Variants in LAMB4 observed in about 807,000 individuals in gnomAD.
LAMB4 encodes laminin subunit beta 4.
LAMB4 carries 196 observed loss-of-function variants against 199.2 expected under a neutral mutation model. The ratio of observed to expected loss-of-function variants is 0.98; its 90% CI spans 0.88 to 1.11. The LOEUF is 1.11. Among genes scored for constraint, LAMB4 ranks in the 50% least tolerant of loss-of-function variants. The pLI, the probability that LAMB4 is intolerant of heterozygous loss-of-function variation, is 0.00. For synonymous variants in LAMB4, 744 were observed against 770.6 expected (o/e 0.97, Z 0.57); for missense variants, 2,080 against 2,171.2 (o/e 0.96, Z 0.83).
chr7:108,048,812 C>T (rs1183985342), intron 27 of LAMB4, among the ~76,000 whole-genome samples: 2 of 152,178 alleles, frequency 1.3e-5, no homozygotes, highest in East Asian at 1.9e-4. Flanking sequence ...CCTGCCTCAA[C>T]CTCCTGAGCA....
Position 108,073,963 on chromosome 7 carries a change from G to A in LAMB4, c.2124+2981C>T, listed in dbSNP as rs142139692. On this transcript the variant is annotated intron_variant, in intron 17 of 33. Transcript: ENST00000388781. ...ACTCACAGTGGGGCGGGTGGTGGTGGTGGTGGTGGTGAACCTGTAGCTGAG... is the reference window on the plus strand; with the variant it reads ...ACTCACAGTGGGGCGGGTGGTGGTGATGGTGGTGGTGAACCTGTAGCTGAG... Among the ~76,000 whole-genome samples the A allele has an allele frequency of 1.2e-4, 18 of 152,282 alleles. No individual in the cohort carries two copies. The East Asian group carries it at 2.5e-3, about 21-fold the overall frequency.
chr7:108,118,672 A>G (rs187703763), intron 2 of LAMB4, among the ~76,000 whole-genome samples: 1 of 152,260 alleles, frequency 6.6e-6, no homozygotes, highest in African/African-American at 2.4e-5. Context: ...AAAATGTGAA[A>G]CTATAGAGCT....
At chr7:108,126,790 G>A (rs1161094830) in intron 1 of LAMB4, among the ~76,000 whole-genome samples, 1 of 150,346 alleles carries the variant, frequency 6.7e-6, no homozygotes, top group Non-Finnish European at 1.5e-5. Context: ...GGATGGTCTC[G>A]ATCTCCTGAC....
intron 19 of LAMB4, among the ~76,000 whole-genome samples, chr7:108,067,776 T>C (rs1228221269): frequency 6.6e-6 from 1 of 152,250 alleles, no homozygotes; most frequent in Non-Finnish European, 1.5e-5. Flanking sequence ...GCATGGACTA[T>C]GCCTTGTTCA....
In LAMB4 at chr7:108,037,888, A is replaced by G. The variant is rs996871911; in HGVS notation, c.4472-293T>C. ...TGTGTATTCTACAAAATGTCCTGAGAATGATTTATTATAAGTACATACTCA... is the reference window on the plus strand; with the variant it reads ...TGTGTATTCTACAAAATGTCCTGAGGATGATTTATTATAAGTACATACTCA... On this transcript the variant is annotated intron_variant, in intron 29 of 33. Coordinates refer to ENST00000388781, the MANE Select transcript of LAMB4 (RefSeq NM_007356.3). Among the ~76,000 whole-genome samples, 3 of 152,336 alleles carry G rather than the reference A, an allele frequency of 2.0e-5. No homozygotes were observed. The South Asian group carries it at 6.2e-4, about 32-fold the overall frequency.
At chr7:108,029,333 A>T (rs143179483) in intron 32 of LAMB4, 137 bp from the exon 33 acceptor site, 1 of 542,934 alleles carries the variant, frequency 1.8e-6, no homozygotes, top group Admixed American at 4.2e-5. Context: ...AGTTGCTCTG[A>T]TATTTCCGGC....
chr7:108,015,564 T>C, the LAMB4 span, among the ~76,000 whole-genome samples: 1 of 152,200 alleles, frequency 6.6e-6, no homozygotes, highest in Non-Finnish European at 1.5e-5. Flanking sequence ...GTATATCATA[T>C]ACAACTAGTG....
intron 12 of LAMB4, among the ~76,000 whole-genome samples, chr7:108,092,827 G>A (rs921690352): frequency 1.3e-5 from 2 of 151,990 alleles, no homozygotes; most frequent in South Asian, 2.1e-4. Flanking sequence ...TCGTTTGAAC[G>A]TGGGAGGTGG....
chr7:108,076,908 G>T, intron 17 of LAMB4, 36 bp downstream of exon 17: 6 of 1,607,484 alleles, frequency 3.7e-6, no homozygotes, highest in Non-Finnish European at 5.1e-6. Context: ...GTGCTTAGTA[G>T]CGAAGAAAGC....
chr7:108,021,938 C>G (rs747816437), downstream of LAMB4, among the ~76,000 whole-genome samples: 2 of 152,002 alleles, frequency 1.3e-5, no homozygotes, highest in Non-Finnish European at 2.9e-5. Context: ...AATATGGTAC[C>G]GAGGGCACAT....
In LAMB4 at chr7:108,098,482, C is replaced by T. The variant is rs759758921; in HGVS notation, c.1281G>A (p.Glu427=). 1 of 1,601,772 alleles carries T rather than the reference C, an allele frequency of 6.2e-7. No individual in the cohort carries two copies. Among genetic ancestry groups the T allele is most frequent in the Non-Finnish European group, 8.5e-7 (1 of 1,174,672 alleles). Residue 427 remains glutamate (E), a synonymous_variant, in exon 11 of 34, where the codon GAG becomes GAA. Transcript: ENST00000388781. The part of the protein sequence containing the change: ...GSVAGQCLCK[E]NVEGAKCDQC... ...GGTCGCATTTGGCTCCTTCCACGTTCTCTTTACAAAGGCACTGGCCGGCCA... is the reference window on the plus strand; with the variant it reads ...GGTCGCATTTGGCTCCTTCCACGTTTTCTTTACAAAGGCACTGGCCGGCCA...
At chr7:108,074,952 T>C (rs1189356832) in intron 17 of LAMB4, among the ~76,000 whole-genome samples, 1 of 152,130 alleles carries the variant, frequency 6.6e-6, no homozygotes, top group Non-Finnish European at 1.5e-5. Flanking sequence ...AGATTGAAAA[T>C]CAAGAGTATG....
chr7:108,066,677 C>A, intron 19 of LAMB4, 77 bp from the exon 20 acceptor site: 1 of 941,836 alleles, frequency 1.1e-6, no homozygotes, highest in South Asian at 1.5e-5. Context: ...GTTCTGGTGT[C>A]TCATTTCCTT....
At chr7:108,079,577 C>G (rs370161850) in intron 15 of LAMB4, 24 bp downstream of exon 15, 1 of 1,559,304 alleles carries the variant, frequency 6.4e-7, no homozygotes, top group Non-Finnish European at 8.7e-7. Context: ...TTTTCACCAC[C>G]AAAGTTGGAG....
chr7:108,126,573 T>TTTTTTA (rs1470390602), intron 1 of LAMB4, among the ~76,000 whole-genome samples: 6 of 133,470 alleles, frequency 4.5e-5, no homozygotes, highest in Middle Eastern at 3.9e-3. Context: ...TTTTTTTTTT[T>TTTTTTA]TTGAGACGGA....
chr7:108,114,810 C>T (rs1563106661), intron 3 of LAMB4, among the ~76,000 whole-genome samples: 1 of 152,058 alleles, frequency 6.6e-6, no homozygotes. Context: ...TTGGTAGGGA[C>T]GATACTCAGA....
intron 1 of LAMB4, among the ~76,000 whole-genome samples, chr7:108,129,366 T>C (rs1584810464): frequency 6.6e-6 from 1 of 152,322 alleles, no homozygotes; most frequent in South Asian, 2.1e-4. Flanking sequence ...CCCTTAAGAC[T>C]TTTTCTGGTA....
Position 108,070,638 on chromosome 7 carries a change from G to C in LAMB4, c.2125-753C>G, listed in dbSNP as rs561029286. Among the ~76,000 whole-genome samples, 8 of 152,010 alleles carry C rather than the reference G, an allele frequency of 5.3e-5. No individual in the cohort carries two copies. The South Asian group carries it at 8.3e-4, about 16-fold the overall frequency. The stretch of plus-strand genomic sequence containing the variant: ...TCTTAATAACATATTCTTTTCTCTA[G>C]TTTACTTTATTGTAGGATACAGTAT... On this transcript the variant is annotated intron_variant, in intron 17 of 33. Coordinates refer to ENST00000388781, the MANE Select transcript of LAMB4 (RefSeq NM_007356.3).
In LAMB4 at chr7:108,073,871, C is replaced by A. The variant is rs2150568445; in HGVS notation, c.2124+3073G>T. 1.3e-5 allele frequency among the ~76,000 whole-genome samples: 2 copies of A among 152,338 alleles called. 1 individual carries two copies. The highest frequency in any genetic ancestry group is 6.8e-3 in the Middle Eastern group (2 of 294). ...CCTGTAGTGGGTGTGGCACTGGCTC[C>A]TTAAGGCTCACAGCTGTTCCCTTCT... On this transcript the variant is annotated intron_variant, in intron 17 of 33. Coordinates refer to ENST00000388781, the MANE Select transcript of LAMB4 (RefSeq NM_007356.3).
Sources: gnomAD v4.1 joint callset for allele counts (sites outside exome capture counted in the v4.1 genomes callset) on GRCh38, gnomAD v4.1.1 for gene constraint, MANE v1.5 for transcripts, NCBI Gene and HGNC (gene_info 2026-07-23, HGNC 2026-07-21) for gene names.